Variants in IQGAP1 observed in about 807,000 individuals in gnomAD.
IQGAP1 encodes the protein ras GTPase-activating-like protein IQGAP1.
IQGAP1 carries 66 observed loss-of-function variants against 215.6 expected under a neutral mutation model. That is an observed-to-expected ratio of 0.31 (90% CI 0.25 to 0.38). The LOEUF is 0.38. IQGAP1 is among the 10% of genes least tolerant of loss of function. IQGAP1 has a pLI of 1.00. For synonymous variants in IQGAP1, 772 were observed against 728.7 expected, an observed-to-expected ratio of 1.06 and a Z score of -0.96; for missense variants, 1,712 against 1,997.1, an observed-to-expected ratio of 0.86 and a Z score of 2.72.
intron 2 of IQGAP1, among the ~76,000 whole-genome samples, chr15:90,417,841 A>G (rs982826048): frequency 2.6e-5 from 4 of 152,210 alleles, no homozygotes; most frequent in Admixed American, 6.5e-5. Context: ...CTTCCTATCC[A>G]TGAGCATGGA....
chr15:90,486,907 C>T, intron 31 of IQGAP1, 47 bp from the exon 32 acceptor site: 1 of 1,574,338 alleles, frequency 6.4e-7, no homozygotes, highest in South Asian at 1.1e-5. Context: ...CCCCCAATAT[C>T]TCCTCTCTTT....
At chr15:90,495,947 T>C (rs185910087) in intron 36 of IQGAP1, among the ~76,000 whole-genome samples, 9 of 149,794 alleles carry the variant, frequency 6.0e-5, no homozygotes, top group Non-Finnish European at 1.3e-4. Flanking sequence ...ATTATTATTA[T>C]TATTTATTAT....
At chr15:90,415,842 C>G (rs755695113) in intron 2 of IQGAP1, among the ~76,000 whole-genome samples, 22 of 152,292 alleles carry the variant, frequency 1.4e-4, no homozygotes, top group Non-Finnish European at 3.2e-4. Context: ...TGTCCAAGTT[C>G]TCCTTCTAAG....
At chr15:90,419,747 G>A (rs187492999) in intron 2 of IQGAP1, among the ~76,000 whole-genome samples, 1 of 152,272 alleles carries the variant, frequency 6.6e-6, no homozygotes, top group African/African-American at 2.4e-5. Context: ...ACGAGTCTCT[G>A]TTGATTGAAA....
intron 15 of IQGAP1, among the ~76,000 whole-genome samples, chr15:90,461,983 C>CAAAAAG (rs1965768102): frequency 1.2e-5 from 1 of 85,750 alleles, no homozygotes. Flanking sequence ...ACTAAAAACA[C>CAAAAAG]AAAAAAAAAA....
intron 2 of IQGAP1, among the ~76,000 whole-genome samples, chr15:90,419,219 A>G (rs1054066181): frequency 6.6e-6 from 1 of 152,166 alleles, no homozygotes. Context: ...CTTGCCAGAT[A>G]ATCTTGGAAT....
At chr15:90,465,401 G>T (rs1421166892) in intron 15 of IQGAP1, among the ~76,000 whole-genome samples, 1 of 152,182 alleles carries the variant, frequency 6.6e-6, no homozygotes, top group African/African-American at 2.4e-5. Context: ...TTCCCAGTCT[G>T]TCTGGGCCTC....
At chr15:90,413,226 A>G (rs1182337882) in intron 2 of IQGAP1, among the ~76,000 whole-genome samples, 1 of 152,006 alleles carries the variant, frequency 6.6e-6, no homozygotes, top group Non-Finnish European at 1.5e-5. Context: ...TCACCCCCAC[A>G]CTCATGTGTA....
At chr15:90,477,574 T>C in intron 25 of IQGAP1, 91 bp from the exon 26 acceptor site, 2 of 929,688 alleles carry the variant, frequency 2.2e-6, no homozygotes, top group Non-Finnish European at 3.4e-6. Flanking sequence ...CGAGAGAAAC[T>C]GTTTCAGGGA....
At chr15:90,388,476 C>G in intron 1 of IQGAP1, 80 bp downstream of exon 1, 807 of 299,740 alleles carry the variant, frequency 2.7e-3, no homozygotes, top group Non-Finnish European at 4.5e-3. Context: ...GGGGCTCGGC[C>G]GGGCGGGTGG....
Position 90,449,662 on chromosome 15 carries a change from T to G in IQGAP1, c.1162+19T>G, listed in dbSNP as rs1965573932. On this transcript the variant is annotated intron_variant, in intron 11 of 37. Transcript: ENST00000268182. Reference sequence around the variant, plus strand: ...CAGAGAAGTAAGAGTCCATTGAAATTGTATGGGAGGAAAGTTGTGGCTTTG... The same window carrying G: ...CAGAGAAGTAAGAGTCCATTGAAATGGTATGGGAGGAAAGTTGTGGCTTTG... 1.3e-6 allele frequency: 2 copies of G among 1,591,656 alleles called. No homozygotes were observed. Among genetic ancestry groups the G allele is most frequent in the Admixed American group, 1.7e-5 (1 of 58,262 alleles).
chr15:90,422,253 T>C (rs1965147187), intron 2 of IQGAP1, among the ~76,000 whole-genome samples: 1 of 152,176 alleles, frequency 6.6e-6, no homozygotes, highest in African/African-American at 2.4e-5. Context: ...TTGGATGACC[T>C]TGGATCAGCC....
Position 90,465,992 on chromosome 15 carries a change from G to T in IQGAP1, c.1777-9G>T. On this transcript the variant is annotated splice_polypyrimidine_tract_variant and intron_variant, in intron 15 of 37. Transcript: ENST00000268182. The stretch of plus-strand genomic sequence containing the variant: ...ATGACTTTAATATTTTGCTTTTAAT[G>T]ATATGTAGGAAATCCAGGATGAGTC... 6.2e-7 allele frequency: 1 copy of T among 1,611,278 alleles called. No individual in the cohort carries two copies. The highest frequency in any genetic ancestry group is 1.1e-5 in the South Asian group (1 of 91,012).
intron 16 of IQGAP1, 71 bp from the exon 17 acceptor site, chr15:90,466,198 A>C: frequency 6.3e-7 from 1 of 1,576,658 alleles, no homozygotes; most frequent in Admixed American, 1.7e-5. Flanking sequence ...CAGTAGATAT[A>C]GTTAGGTGAA....
intron 30 of IQGAP1, among the ~76,000 whole-genome samples, chr15:90,484,714 T>G (rs1235458969): frequency 6.6e-6 from 1 of 152,160 alleles, no homozygotes; most frequent in Non-Finnish European, 1.5e-5. Flanking sequence ...TTTCACTGTG[T>G]TAGCCAGCAT....
Position 90,451,694 on chromosome 15 carries a change from A to G in IQGAP1, c.1163-1081A>G, listed in dbSNP as rs146546737. ...TCAATGTGAGATTTGGTAGGGACAA[A>G]TAAACCAATCCAAACCATAGCACTG... On this transcript the variant is annotated intron_variant, in intron 11 of 37. Transcript: ENST00000268182. Among the ~76,000 whole-genome samples, 126 of 152,196 alleles carry G rather than the reference A, an allele frequency of 8.3e-4. 1 individual carries two copies. Among genetic ancestry groups the G allele is most frequent in the Non-Finnish European group, 1.4e-3 (92 of 68,000 alleles).
At chr15:90,458,639 G>T (rs965313820) in intron 15 of IQGAP1, among the ~76,000 whole-genome samples, 3 of 152,162 alleles carry the variant, frequency 2.0e-5, no homozygotes, top group African/African-American at 7.2e-5. Context: ...TCATTGTTCT[G>T]ATGACCAGCC....
At chr15:90,491,796 C>T in intron 34 of IQGAP1, 3 of 430,044 alleles carry the variant, frequency 7.0e-6, no homozygotes, top group Non-Finnish European at 8.4e-6. Flanking sequence ...TGTCTTCAGC[C>T]TTAAAGAATT....
At chr15:90,455,461 C>A (rs569012444) in intron 14 of IQGAP1, among the ~76,000 whole-genome samples, 1 of 152,132 alleles carries the variant, frequency 6.6e-6, no homozygotes, top group Non-Finnish European at 1.5e-5. Context: ...CAGAAACATA[C>A]CTATCACTCA....
Sources: gnomAD v4.1 joint callset for allele counts (sites outside exome capture counted in the v4.1 genomes callset) on GRCh38, gnomAD v4.1.1 for gene constraint, MANE v1.5 for transcripts, NCBI Gene and HGNC (gene_info 2026-07-23, HGNC 2026-07-21) for gene names.